The following FGFRL1 variants were observed in gnomAD, a reference collection of about 807,000 sequenced individuals.
FGFRL1 encodes the protein fibroblast growth factor receptor like 1, also known as fibroblast growth factor receptor-like 1.
In FGFRL1, 24 loss-of-function variants were observed where a neutral mutation model predicts 36.8. The ratio of observed to expected loss-of-function variants is 0.65; its 90% confidence interval spans 0.47 to 0.92. FGFRL1 has a LOEUF of 0.92. Among genes scored for constraint, FGFRL1 ranks in the 40% least tolerant of loss-of-function variants. FGFRL1 has a pLI of 0.00. For synonymous variants in FGFRL1, 422 were observed against 344.1 expected (o/e 1.23, Z -2.50); for missense variants, 785 against 753.4 (o/e 1.04, Z -0.49).
At chr4:1,014,874 GA>G (rs1560558261) in intron 2 of FGFRL1, among the ~76,000 whole-genome samples, 1 of 152,230 alleles carries the variant, frequency 6.6e-6, no homozygotes, top group African/African-American at 2.4e-5. Context: ...CCCTTGGGGG[GA>G]GGGAGGGAGC....
At chr4:1,024,211 C>T in intron 5 of FGFRL1, 100 bp from the exon 6 acceptor site, 2 of 264,656 alleles carry the variant, frequency 7.6e-6, no homozygotes, top group South Asian at 5.4e-5. Flanking sequence ...ACTGGCAGGG[C>T]TTGGGGGTGG....
upstream of FGFRL1, among the ~76,000 whole-genome samples, chr4:1,011,490 C>G (rs1332175363): frequency 9.3e-6 from 1 of 107,300 alleles, no homozygotes; most frequent in Non-Finnish European, 1.9e-5. Flanking sequence ...CCCGGCGGGG[C>G]GGGGGCGGTG....
chr4:1,014,292 A>G lies in FGFRL1; in HGVS notation c.79+1728A>G, dbSNP rs142797012. Among the ~76,000 whole-genome samples the G allele has an allele frequency of 4.9e-3, 742 of 152,146 alleles. 13 individuals carry two copies. The highest frequency in any genetic ancestry group is 6.8e-3 in the Middle Eastern group (2 of 294). On this transcript the variant is annotated intron_variant, in intron 2 of 6. Transcript: ENST00000510644. ...AACTGCTTTTTTTTTTTCCAATTTG[A>G]AAAAATATAGGAATTGGCTTTCTCC...
In FGFRL1 at chr4:1,021,276, G is replaced by T. The variant is rs375797195; in HGVS notation, c.80-927G>T. Among the ~76,000 whole-genome samples, 493 of 152,132 alleles carry T rather than the reference G, an allele frequency of 3.2e-3. 2 individuals carry two copies. Among genetic ancestry groups the T allele is most frequent in the South Asian group, 8.9e-3 (43 of 4,826 alleles). ...AAGGAGGCCTCTGCCAGGAAAGGAGGGCTCGGCTTCTCCACATAGGGTGGG... is the reference window on the plus strand; with the variant it reads ...AAGGAGGCCTCTGCCAGGAAAGGAGTGCTCGGCTTCTCCACATAGGGTGGG... On this transcript the variant is annotated intron_variant, in intron 2 of 6. Coordinates refer to ENST00000510644, the MANE Select transcript of FGFRL1 (RefSeq NM_001004356.3).
At chr4:1,019,707 C>A (rs1716073022) in intron 2 of FGFRL1, among the ~76,000 whole-genome samples, 1 of 152,168 alleles carries the variant, frequency 6.6e-6, no homozygotes, top group Non-Finnish European at 1.5e-5. Flanking sequence ...CTCATTTCCT[C>A]TCCGGGGAGC....
Position 1,023,904 on chromosome 4 carries a change from C to T in FGFRL1, c.521C>T (p.Ala174Val), listed in dbSNP as rs1553919741. The T allele has an allele frequency of 6.3e-7, 1 of 1,578,604 alleles. No homozygotes were observed. Among genetic ancestry groups the T allele is most frequent in the Non-Finnish European group, 8.6e-7 (1 of 1,166,932 alleles). Residue 174 changes from alanine to valine, a missense_variant, in exon 5 of 7, where the codon GCC becomes GTC. Ala to Val is a moderately conservative substitution (Grantham distance 64). Transcript: ENST00000510644. This position sits in a 1 kb window ranked among gnomAD's most constrained non-coding sequence, Gnocchi z 6.0. Reference sequence around the variant, plus strand: ...AGCTCCGTGCGGCTCAAGTGCGTGGCCAGCGGGCACCCTCGGCCCGACATC... The same window carrying T: ...AGCTCCGTGCGGCTCAAGTGCGTGGTCAGCGGGCACCCTCGGCCCGACATC... ...VGSSVRLKCV[A>V]SGHPRPDITW...
In FGFRL1 at chr4:1,025,147, A is replaced by G; in HGVS notation, c.1315A>G (p.Ser439Gly). 6.2e-7 allele frequency: 1 copy of G among 1,610,944 alleles called. No homozygotes were observed. The highest frequency in any genetic ancestry group is 8.5e-7 in the Non-Finnish European group (1 of 1,179,310). The change falls in exon 7 of 7, where the codon AGC becomes GGC. Residue 439 changes from serine to glycine, a missense_variant. Coordinates refer to ENST00000510644, the MANE Select transcript of FGFRL1 (RefSeq NM_001004356.3). ...DKDLPSLAAL[S>G]AGPGVGLCEE... The stretch of plus-strand genomic sequence containing the variant: ...GGACCTTCCCTCGTTGGCCGCCCTC[A>G]GCGCTGGCCCTGGTGTGGGGCTGTG...
Position 1,024,093 on chromosome 4 carries a change from A to ATCCACCT in FGFRL1, c.711_712insCCACCTT (p.Val238ProfsTer75). 1 of 1,542,884 alleles carries ATCCACCT rather than the reference A, an allele frequency of 6.5e-7. No homozygotes were observed. The highest frequency in any genetic ancestry group is 1.1e-5 in the South Asian group (1 of 88,018). On this transcript the variant is annotated frameshift_variant, in exon 5 of 7. Transcript: ENST00000510644. LOFTEE classifies it high-confidence loss of function. Reference sequence around the variant, plus strand: ...GCCATCAACGCCACCTACAAGGTGGATGTGATCCGTGAGTGTGGCCCCGGG... The same window carrying ATCCACCT: ...GCCATCAACGCCACCTACAAGGTGGATCCACCTTGTGATCCGTGAGTGTGGCCCCGGG...
intron 2 of FGFRL1, among the ~76,000 whole-genome samples, chr4:1,014,232 T>G (rs1715764517): frequency 6.6e-6 from 1 of 151,998 alleles, no homozygotes; most frequent in Admixed American, 6.6e-5. Flanking sequence ...GTTCCTCTTT[T>G]CCCAAACTTT....
chr4:1,010,488 G>C (rs1715529110), upstream of FGFRL1, among the ~76,000 whole-genome samples: 1 of 152,224 alleles, frequency 6.6e-6, no homozygotes, highest in Non-Finnish European at 1.5e-5. Context: ...AGCTCTCCTC[G>C]GCCTGGGGAC....
chr4:1,019,967 A>G (rs1716085916), intron 2 of FGFRL1, among the ~76,000 whole-genome samples: 1 of 152,154 alleles, frequency 6.6e-6, no homozygotes, highest in East Asian at 1.9e-4. Flanking sequence ...CCCAGCGGCC[A>G]ATGATGCCTG....
At chr4:1,014,936 C>T (rs1295674243) in intron 2 of FGFRL1, among the ~76,000 whole-genome samples, 3 of 152,226 alleles carry the variant, frequency 2.0e-5, no homozygotes, top group African/African-American at 7.2e-5. Context: ...CCGCAGACTC[C>T]TTTATCCATT....
At chr4:1,017,439 C>T (rs1024549813) in intron 2 of FGFRL1, among the ~76,000 whole-genome samples, 5 of 152,332 alleles carry the variant, frequency 3.3e-5, no homozygotes, top group East Asian at 1.9e-4. Flanking sequence ...TCCCCACAGA[C>T]GCCCCACCCT....
chr4:1,025,568 T>A lies in FGFRL1; in HGVS notation c.*221T>A. On this transcript the variant is annotated 3_prime_UTR_variant, in exon 7 of 7. Transcript: ENST00000510644. ...CACACATGCGCGCACACGTGCTCCC[T>A]GAAGGCACACGTACGCACACACGCA... The A allele has an allele frequency of 1.6e-6, 1 of 627,792 alleles. No homozygotes were observed. Among genetic ancestry groups the A allele is most frequent in the Non-Finnish European group, 2.7e-6 (1 of 367,456 alleles). 38.9% of individuals were successfully genotyped at this position (627,792 alleles called of 1,614,324 possible).
Position 1,016,981 on chromosome 4 carries a change from C to G in FGFRL1, c.79+4417C>G, listed in dbSNP as rs571721388. Among the ~76,000 whole-genome samples, 16 of 152,276 alleles carry G rather than the reference C, an allele frequency of 1.1e-4. No homozygotes were observed. In the South Asian group the frequency reaches 3.3e-3, roughly 32 times the overall value. On this transcript the variant is annotated intron_variant, in intron 2 of 6. Coordinates refer to ENST00000510644, the MANE Select transcript of FGFRL1 (RefSeq NM_001004356.3). The stretch of plus-strand genomic sequence containing the variant: ...ATAGCGGCCATCTGTGATGGGGGCA[C>G]TGTGTCTCTTCTCGGTAACCGGGTG...
chr4:1,023,641 A>G lies in FGFRL1; in HGVS notation c.353A>G (p.Asp118Gly), dbSNP rs781145411. The G allele has an allele frequency of 1.2e-6, 2 of 1,600,048 alleles. No homozygotes were observed. Among genetic ancestry groups the G allele is most frequent in the South Asian group, 2.3e-5 (2 of 88,700 alleles). ...LSVNYTLVVLDDISPGKESLG... is the reference protein window; with the variant it reads ...LSVNYTLVVLGDISPGKESLG... ...CCTGTGCACCTCCGTCTCTCTGCAG[A>G]TGACATTAGCCCAGGGAAGGAGAGC... The change falls in exon 4 of 7, where the codon GAT becomes GGT. Residue 118 changes from aspartate to glycine, a missense_variant and splice_region_variant. Physicochemically the swap from Asp to Gly is moderately conservative, Grantham distance 94. Coordinates refer to ENST00000510644, the MANE Select transcript of FGFRL1 (RefSeq NM_001004356.3). The surrounding 1 kb of genome is among the most constrained non-coding windows in gnomAD (Gnocchi z 6.0).
In FGFRL1 at chr4:1,022,236, G is replaced by A. The variant is rs557619683; in HGVS notation, c.113G>A (p.Arg38Gln). The change falls in exon 3 of 7, where the codon CGG becomes CAG. Residue 38 changes from arginine (R) to glutamine (Q), a missense_variant. Coordinates refer to ENST00000510644, the MANE Select transcript of FGFRL1 (RefSeq NM_001004356.3). ...AAGATGGCGGACAAGGTGGTCCCAC[G>A]GCAGGTGGCCCGGCTGGGCCGCACT... ...PPKMADKVVP[R>Q]QVARLGRTVR... 502 of 1,554,480 alleles carry A rather than the reference G, an allele frequency of 3.2e-4. 8 individuals are homozygous for A. In the South Asian group the frequency reaches 5.5e-3, roughly 17 times the overall value.
chr4:1,023,733 G>T lies in FGFRL1; in HGVS notation c.433+12G>T, dbSNP rs749091773. ...CAGCCAGCAGTGGGGTGAGCAGGGG[G>T]TGACGGGGGTGGGGGGCGTCCGTCT... On this transcript the variant is annotated intron_variant, in intron 4 of 6. Transcript: ENST00000510644. The surrounding 1 kb of genome is among the most constrained non-coding windows in gnomAD (Gnocchi z 6.0). 3.9e-6 allele frequency: 6 copies of T among 1,557,502 alleles called. No individual in the cohort carries two copies. Among genetic ancestry groups the T allele is most frequent in the African/African-American group, 2.7e-5 (2 of 73,948 alleles).
intron 5 of FGFRL1, 44 bp downstream of exon 5, chr4:1,024,145 G>C: frequency 7.4e-7 from 1 of 1,353,644 alleles, no homozygotes; most frequent in Non-Finnish European, 9.5e-7. Flanking sequence ...GTGCTGGTGG[G>C]CGGGGGCGCT....
Sources: gnomAD v4.1 joint callset for allele counts (sites outside exome capture counted in the v4.1 genomes callset) on GRCh38, gnomAD v4.1.1 for gene constraint, Gnocchi (gnomAD v3.1) non-coding constraint, MANE v1.5 for transcripts, NCBI Gene and HGNC (gene_info 2026-07-23, HGNC 2026-07-21) for gene names.